The following RTN4 variants were observed in gnomAD, a reference collection of about 807,000 sequenced individuals.
The protein encoded by RTN4 is reticulon-4.
Under a neutral mutation model 90.4 loss-of-function variants are expected in RTN4, and 32 were observed. The observed-to-expected ratio is 0.35, with a 90% CI of 0.27 to 0.48. The LOEUF (loss-of-function observed/expected upper bound fraction) is 0.48. Among genes scored for constraint, RTN4 ranks in the 20% least tolerant of loss-of-function variants. The pLI is 0.99. For synonymous variants in RTN4, 629 were observed against 552.5 expected, an observed-to-expected ratio of 1.14 and a Z score of -1.94; for missense variants, 1,706 against 1,430.2, an observed-to-expected ratio of 1.19 and a Z score of -3.11.
At chr2:54,988,574 A>T (rs1292867495) in intron 3 of RTN4, among the ~76,000 whole-genome samples, 1 of 152,162 alleles carries the variant, frequency 6.6e-6, no homozygotes, top group Non-Finnish European at 1.5e-5. Flanking sequence ...GTCTTTTAGA[A>T]ACAAAATTGT....
At chr2:55,083,010 C>T (rs1343626295) in intron 1 of RTN4, among the ~76,000 whole-genome samples, 3 of 152,188 alleles carry the variant, frequency 2.0e-5, no homozygotes, top group East Asian at 3.9e-4. Flanking sequence ...TTTCAAATTT[C>T]GTGTTTTACC....
intron 2 of RTN4, among the ~76,000 whole-genome samples, chr2:55,074,591 A>G (rs1456156287): frequency 6.6e-6 from 1 of 151,984 alleles, no homozygotes; most frequent in African/African-American, 2.4e-5. Flanking sequence ...AGACAGTATC[A>G]CCCTAATATC....
chr2:55,130,459 A>T, the RTN4 span, among the ~76,000 whole-genome samples: 1 of 152,224 alleles, frequency 6.6e-6, no homozygotes, highest in Non-Finnish European at 1.5e-5. Flanking sequence ...ATATTAAAAC[A>T]TCACATTGGG....
intron 1 of RTN4, among the ~76,000 whole-genome samples, chr2:55,093,838 T>A (rs1483416029): frequency 6.6e-6 from 1 of 152,222 alleles, no homozygotes; most frequent in Non-Finnish European, 1.5e-5. Flanking sequence ...TAGCTATGCT[T>A]CTGTTACTTG....
chr2:55,000,569 T>C (rs1000377596), intron 3 of RTN4, among the ~76,000 whole-genome samples: 5 of 152,198 alleles, frequency 3.3e-5, no homozygotes, highest in African/African-American at 1.2e-4. Context: ...GCTGAGTACA[T>C]TGTATACATT....
intron 1 of RTN4, among the ~76,000 whole-genome samples, chr2:55,088,922 G>GTTATTTAC (rs370438332): frequency 6.6e-6 from 1 of 151,890 alleles, no homozygotes; most frequent in Non-Finnish European, 1.5e-5. Context: ...CAAGAATAGG[G>GTTATTTAC]TTATTTATTT....
rs113750135 is a variant in RTN4, at chr2:55,004,672, G to C, written c.3014-16974C>G. Reference sequence around the variant, plus strand: ...CCAGAAGTAAACCTGGCTGAACAATGGAGTTCTCAGCCTTTTCCTTCATTG... The same window carrying C: ...CCAGAAGTAAACCTGGCTGAACAATCGAGTTCTCAGCCTTTTCCTTCATTG... On this transcript the variant is annotated intron_variant, in intron 3 of 8. Coordinates refer to ENST00000337526, the MANE Select transcript of RTN4 (RefSeq NM_020532.5). 4.8e-3 allele frequency among the ~76,000 whole-genome samples: 723 copies of C among 152,196 alleles called. 3 individuals are homozygous for C. The highest frequency in any genetic ancestry group is 0.016 in the African/African-American group (673 of 41,522).
At position 55,025,968 on chromosome 2, in the gene RTN4, G is replaced by C. The variant is rs1267764927; in HGVS notation, c.2131C>G (p.Pro711Ala). The change falls in exon 3 of 9, where the codon CCA (proline) becomes GCA (alanine). Residue 711 changes from proline to alanine, a missense_variant. Pro to Ala is a conservative substitution (Grantham distance 27, BLOSUM62 -1). Transcript: ENST00000337526. ...GAATAATCAGAGAAATCCGGAGCTG[G>C]TTCAGCAGAAAGCTTTGTTTCTTTA... ...LIKETKLSAE[P>A]APDFSDYSEM... The C allele has an allele frequency of 1.9e-6, 3 of 1,612,918 alleles. No individual in the cohort carries two copies. The highest frequency in any genetic ancestry group is 1.7e-6 in the Non-Finnish European group (2 of 1,179,822).
At chr2:55,018,756 G>A (rs1681220104) in intron 3 of RTN4, among the ~76,000 whole-genome samples, 1 of 151,418 alleles carries the variant, frequency 6.6e-6, no homozygotes, top group Admixed American at 6.6e-5. Context: ...GTGTATGTGT[G>A]TATGTTTATT....
chr2:55,045,308 C>T (rs1683348225), intron 1 of RTN4, among the ~76,000 whole-genome samples: 1 of 152,180 alleles, frequency 6.6e-6, no homozygotes. Context: ...ATCAATTCGT[C>T]TTTCATACAG....
intron 3 of RTN4, among the ~76,000 whole-genome samples, chr2:55,020,629 T>C (rs1681359377): frequency 6.6e-6 from 1 of 152,216 alleles, no homozygotes; most frequent in South Asian, 2.1e-4. Flanking sequence ...ACCATCTGCA[T>C]CACAATACCT....
At chr2:55,096,792 G>C (rs544394167) in intron 1 of RTN4, among the ~76,000 whole-genome samples, 1 of 151,148 alleles carries the variant, frequency 6.6e-6, no homozygotes, top group African/African-American at 2.5e-5. Context: ...TGCTGCAGCA[G>C]TTACTGTTTA....
rs35194022 is a variant in RTN4, at chr2:55,041,000, TAA to T, written c.556+8743_556+8744del. On this transcript the variant is annotated intron_variant, in intron 1 of 8. Transcript: ENST00000337526. Reference sequence around the variant, plus strand: ...GGCCACCTATGTAAAGAGACTGCTTTAAAAAAAAAAAATCCAGTATTTGGCAG... The same window carrying T: ...GGCCACCTATGTAAAGAGACTGCTTTAAAAAAAAAATCCAGTATTTGGCAG... Among the ~76,000 whole-genome samples, 292 of 147,674 alleles carry T rather than the reference TAA, an allele frequency of 2.0e-3. 1 individual carries two copies. The highest frequency in any genetic ancestry group is 0.011 in the Middle Eastern group (3 of 282).
intron 1 of RTN4, among the ~76,000 whole-genome samples, chr2:55,048,636 T>A (rs1039384330): frequency 1.3e-5 from 2 of 152,264 alleles, no homozygotes; most frequent in Non-Finnish European, 2.9e-5. Flanking sequence ...CCGTTGCAAA[T>A]GCGGTCTGTC....
At chr2:55,085,258 C>T (rs562240630) in intron 1 of RTN4, among the ~76,000 whole-genome samples, 1 of 152,044 alleles carries the variant, frequency 6.6e-6, no homozygotes, top group Non-Finnish European at 1.5e-5. Context: ...CTGGAGAACC[C>T]AAACACAGTG....
intron 1 of RTN4, among the ~76,000 whole-genome samples, chr2:55,087,687 C>T (rs978510704): frequency 6.6e-6 from 1 of 151,992 alleles, no homozygotes; most frequent in Non-Finnish European, 1.5e-5. Flanking sequence ...ATCTGTGAGA[C>T]TATCTCAAGT....
At chr2:55,045,810 T>C (rs996208018) in intron 1 of RTN4, among the ~76,000 whole-genome samples, 1 of 152,224 alleles carries the variant, frequency 6.6e-6, no homozygotes, top group East Asian at 1.9e-4. Flanking sequence ...CGGTCTTAAT[T>C]AACCTTGGTT....
At chr2:54,978,420 G>C (rs1677836047) in intron 5 of RTN4, among the ~76,000 whole-genome samples, 1 of 110,722 alleles carries the variant, frequency 9.0e-6, no homozygotes, top group Non-Finnish European at 1.7e-5. Flanking sequence ...GACACAGCGA[G>C]ACTCTATCTC....
At chr2:54,988,074 T>G (rs543191763) in intron 3 of RTN4, among the ~76,000 whole-genome samples, 4 of 152,314 alleles carry the variant, frequency 2.6e-5, no homozygotes, top group Admixed American at 2.6e-4. Flanking sequence ...CCCAGCACTG[T>G]GGGAGGCTGA....
Sources: gnomAD v4.1 joint callset for allele counts (sites outside exome capture counted in the v4.1 genomes callset) on GRCh38, gnomAD v4.1.1 for gene constraint, MANE v1.5 for transcripts, NCBI Gene and HGNC (gene_info 2026-07-23, HGNC 2026-07-21) for gene names.